The following SEMA6D variants were observed in gnomAD, a reference collection of about 807,000 sequenced individuals.
SEMA6D encodes the protein semaphorin-6D.
A neutral mutation model predicts 106.6 loss-of-function variants in SEMA6D; 35 were observed. The observed-to-expected ratio is 0.33, with a 90% CI of 0.25 to 0.44. The LOEUF (loss-of-function observed/expected upper bound fraction) is 0.44, where lower values mean the gene tolerates loss of function less well. SEMA6D is among the 20% of genes least tolerant of loss of function. The pLI is 1.00. For synonymous variants in SEMA6D, 499 were observed against 487.7 expected, an observed-to-expected ratio of 1.02 and a Z score of -0.31; for missense variants, 1,185 against 1,345.9, an observed-to-expected ratio of 0.88 and a Z score of 1.87.
intron 3 of SEMA6D, among the ~76,000 whole-genome samples, chr15:47,473,600 T>C (rs560636670): frequency 9.1e-4 from 138 of 152,298 alleles, no homozygotes; most frequent in African/African-American, 3.2e-3. Context: ...AAGTATGAAC[T>C]TAAATTTTTC....
intron 2 of SEMA6D, among the ~76,000 whole-genome samples, chr15:47,447,144 G>A (rs972623724): frequency 6.6e-6 from 1 of 152,078 alleles, no homozygotes; most frequent in African/African-American, 2.4e-5. Context: ...TGACATCCTG[G>A]CACTGTGCCC....
At chr15:47,383,440 C>T (rs2039711507) in intron 1 of SEMA6D, among the ~76,000 whole-genome samples, 1 of 152,190 alleles carries the variant, frequency 6.6e-6, no homozygotes, top group African/African-American at 2.4e-5. Flanking sequence ...TGCCCTGGCT[C>T]ATAGTTGATT....
intron 2 of SEMA6D, among the ~76,000 whole-genome samples, chr15:47,428,877 A>T (rs1343060568): frequency 1.3e-5 from 2 of 151,866 alleles, no homozygotes; most frequent in East Asian, 3.9e-4. Flanking sequence ...CAAATGTGTT[A>T]TGTAATTGGA....
intron 3 of SEMA6D, among the ~76,000 whole-genome samples, chr15:47,558,112 C>T (rs1466231967): frequency 6.6e-6 from 1 of 152,050 alleles, no homozygotes; most frequent in Non-Finnish European, 1.5e-5. Flanking sequence ...TCAATGATCC[C>T]ATATGAAAAG....
intron 4 of SEMA6D, among the ~76,000 whole-genome samples, chr15:47,669,307 A>G (rs992238253): frequency 1.3e-5 from 2 of 152,232 alleles, no homozygotes; most frequent in Admixed American, 6.5e-5. Flanking sequence ...TAACCCTTGC[A>G]TGGAGTTGTT....
At chr15:47,417,443 C>CAG (rs150136426) in intron 2 of SEMA6D, among the ~76,000 whole-genome samples, 28 of 129,598 alleles carry the variant, frequency 2.2e-4, no homozygotes, top group South Asian at 4.7e-4. Flanking sequence ...GTGTGTGTGT[C>CAG]AGAGAGAGAG....
At chr15:47,302,140 T>C (rs779718245) in intron 1 of SEMA6D, among the ~76,000 whole-genome samples, 10 of 152,132 alleles carry the variant, frequency 6.6e-5, no homozygotes, top group African/African-American at 9.7e-5. Flanking sequence ...CTCAGAGTGG[T>C]TAGTTAATTT....
intron 1 of SEMA6D, among the ~76,000 whole-genome samples, chr15:47,214,918 T>C (rs1183835018): frequency 2.6e-5 from 4 of 152,036 alleles, no homozygotes; most frequent in Admixed American, 6.6e-5. Context: ...GCTAATATAG[T>C]ATCATCTGCA....
intron 3 of SEMA6D, among the ~76,000 whole-genome samples, chr15:47,514,471 C>G (rs1004863761): frequency 1.3e-5 from 2 of 152,154 alleles, no homozygotes. Flanking sequence ...CCTCCCAAAC[C>G]ATGTCTCACT....
chr15:47,552,525 TACACACACACACACAC>T (rs144968308), intron 3 of SEMA6D, among the ~76,000 whole-genome samples: 3 of 130,158 alleles, frequency 2.3e-5, no homozygotes, highest in East Asian at 2.5e-4. Flanking sequence ...TATATATGTA[TACACACACACACACAC>T]ACACACACAC....
chr15:47,261,374 C>G (rs1199568703), intron 1 of SEMA6D, among the ~76,000 whole-genome samples: 1 of 152,116 alleles, frequency 6.6e-6, no homozygotes, highest in African/African-American at 2.4e-5. Context: ...CTTCTGATTT[C>G]CTTTTCAAAA....
chr15:47,648,321 G>A (rs963861177), intron 4 of SEMA6D, among the ~76,000 whole-genome samples: 4 of 152,142 alleles, frequency 2.6e-5, no homozygotes, highest in African/African-American at 7.2e-5. Flanking sequence ...AGGTGAAATG[G>A]CATGTTTGAA....
chr15:47,717,476 C>G (rs182989013), upstream of SEMA6D: 1 of 152,692 alleles, frequency 6.5e-6, no homozygotes, highest in South Asian at 2.1e-4. Flanking sequence ...CACCATTTGC[C>G]GTGCATCGGT....
chr15:47,444,052 C>A (rs1274618676), intron 2 of SEMA6D, among the ~76,000 whole-genome samples: 1 of 152,140 alleles, frequency 6.6e-6, no homozygotes, highest in East Asian at 1.9e-4. Flanking sequence ...GAGTAAGCCA[C>A]CTGGCTAAAA....
At chr15:47,602,830 C>T (rs1041313506) in intron 4 of SEMA6D, among the ~76,000 whole-genome samples, 1 of 152,100 alleles carries the variant, frequency 6.6e-6, no homozygotes, top group African/African-American at 2.4e-5. Context: ...CAGTCCCCCA[C>T]CCCCGAAACT....
At chr15:47,512,134 C>A (rs892973827) in intron 3 of SEMA6D, among the ~76,000 whole-genome samples, 1 of 152,162 alleles carries the variant, frequency 6.6e-6, no homozygotes, top group Admixed American at 6.5e-5. Flanking sequence ...ACTTCACTAG[C>A]TACAAGCGCA....
intron 1 of SEMA6D, among the ~76,000 whole-genome samples, chr15:47,399,019 A>G (rs150198330): frequency 1.1e-4 from 17 of 152,346 alleles, no homozygotes; most frequent in African/African-American, 4.1e-4. Flanking sequence ...ATCAAGATTT[A>G]TGAGCCACCA....
At chr15:47,352,969 G>A (rs1320597656) in intron 1 of SEMA6D, among the ~76,000 whole-genome samples, 2 of 152,138 alleles carry the variant, frequency 1.3e-5, no homozygotes, top group South Asian at 4.1e-4. Flanking sequence ...TCTAACATGT[G>A]ATCCTCTATA....
At chr15:47,700,304 T>C (rs2078783773) in intron 4 of SEMA6D, among the ~76,000 whole-genome samples, 1 of 152,124 alleles carries the variant, frequency 6.6e-6, no homozygotes, top group Admixed American at 6.5e-5. Flanking sequence ...GGTGGGAGGA[T>C]CACTTGAGGC....
Sources: allele counts gnomAD v4.1 joint callset (sites outside exome capture counted in the v4.1 genomes callset), GRCh38; gene constraint gnomAD v4.1.1; transcripts MANE v1.5; gene names NCBI Gene and HGNC (gene_info 2026-07-23, HGNC 2026-07-21).